The following CFAP299 variants were observed in gnomAD, a reference collection of about 807,000 sequenced individuals.
CFAP299 encodes cilia- and flagella-associated protein 299.
A neutral mutation model predicts 27.0 loss-of-function variants in CFAP299; 21 were observed. The ratio of observed to expected loss-of-function variants is 0.78; its 90% CI spans 0.55 to 1.12. The LOEUF is 1.12. Among genes scored for constraint, CFAP299 ranks in the 50% most tolerant of loss-of-function variants. CFAP299 has a pLI of 0.00. For synonymous variants in CFAP299, 104 were observed against 98.1 expected, an observed-to-expected ratio of 1.06 and a Z score of -0.36; for missense variants, 310 against 276.6, an observed-to-expected ratio of 1.12 and a Z score of -0.86.
chr4:80,615,482 T>A (rs1738223275), intron 3 of CFAP299, among the ~76,000 whole-genome samples: 1 of 152,172 alleles, frequency 6.6e-6, no homozygotes, highest in South Asian at 2.1e-4. Context: ...TACTTTGGAT[T>A]AGAAAGCTTA....
rs1299610535 is a variant in CFAP299 at position 80,782,585 on chromosome 4, ATATATT to A, written c.334-87407_334-87402del. Among the ~76,000 whole-genome samples, 266 of 131,454 alleles carry A rather than the reference ATATATT, an allele frequency of 2.0e-3. 4 individuals are homozygous for A. The highest frequency in any genetic ancestry group is 6.7e-3 in the African/African-American group (246 of 36,682). The allele number at this position is 131,454 out of a possible 152,430, so 86.2% of individuals were successfully genotyped here. On this transcript the variant is annotated intron_variant, in intron 3 of 5. Coordinates refer to ENST00000358105, the MANE Select transcript of CFAP299 (RefSeq NM_152770.3). ...TATAATATACATATATGAATATATA[ATATATT>A]CATATATAATATACATATATTAATA... is the stretch of plus-strand genomic sequence containing the variant.
At chr4:80,790,275 T>C (rs1219343194) in intron 3 of CFAP299, 1 of 152,052 alleles carries the variant, frequency 6.6e-6, no homozygotes, top group African/African-American at 2.4e-5. Context: ...CAGCAGCACT[T>C]TGAAGTTTCA....
intron 2 of CFAP299, among the ~76,000 whole-genome samples, chr4:80,481,447 G>A (rs1730564867): frequency 6.6e-6 from 1 of 151,950 alleles, no homozygotes; most frequent in Non-Finnish European, 1.5e-5. Flanking sequence ...TTAGCCAAAG[G>A]CATATTTTTA....
chr4:80,868,214 C>G (rs913732910), intron 3 of CFAP299, among the ~76,000 whole-genome samples: 1 of 151,488 alleles, frequency 6.6e-6, no homozygotes, highest in East Asian at 1.9e-4. Context: ...TTCTATGTAC[C>G]TCTATATTTG....
chr4:80,358,350 A>T (rs1034362636), intron 1 of CFAP299, among the ~76,000 whole-genome samples: 9 of 151,916 alleles, frequency 5.9e-5, no homozygotes, highest in Non-Finnish European at 1.3e-4. Flanking sequence ...TATCAGTTCC[A>T]CTTGATTTAA....
At chr4:80,740,306 G>A (rs1200830553) in intron 3 of CFAP299, among the ~76,000 whole-genome samples, 2 of 152,172 alleles carry the variant, frequency 1.3e-5, no homozygotes, top group Non-Finnish European at 2.9e-5. Flanking sequence ...TTCTTAGGAA[G>A]GCTTTCCAGG....
intron 3 of CFAP299, among the ~76,000 whole-genome samples, chr4:80,661,584 A>C (rs779592205): frequency 6.6e-6 from 1 of 152,136 alleles, no homozygotes. Flanking sequence ...TAATCTCTTA[A>C]TCTCATCATC....
At chr4:80,553,345 T>A (rs1734621027) in intron 2 of CFAP299, among the ~76,000 whole-genome samples, 1 of 152,198 alleles carries the variant, frequency 6.6e-6, no homozygotes. Flanking sequence ...TATGGATGCA[T>A]AATATTCCTG....
chr4:80,875,790 C>G (rs1249123691), intron 4 of CFAP299, among the ~76,000 whole-genome samples: 1 of 151,988 alleles, frequency 6.6e-6, no homozygotes, highest in Non-Finnish European at 1.5e-5. Context: ...ATAGTGATAC[C>G]ACCATCACCC....
intron 3 of CFAP299, among the ~76,000 whole-genome samples, chr4:80,603,933 G>A (rs190047018): frequency 7.9e-5 from 12 of 152,074 alleles, no homozygotes; most frequent in Admixed American, 7.2e-4. Flanking sequence ...CTGCATTCTC[G>A]CTCTTTAAAA....
chr4:80,961,312 T>C (rs1007975496), intron 5 of CFAP299, among the ~76,000 whole-genome samples: 19 of 151,894 alleles, frequency 1.3e-4, no homozygotes, highest in Non-Finnish European at 2.8e-4. Context: ...TAGCTGCTTA[T>C]TTTGAACCAA....
At chr4:80,519,336 A>G (rs1450466979) in intron 2 of CFAP299, among the ~76,000 whole-genome samples, 1 of 151,960 alleles carries the variant, frequency 6.6e-6, no homozygotes, top group African/African-American at 2.4e-5. Flanking sequence ...CCTCCCATGT[A>G]TCTGGGATTA....
intron 2 of CFAP299, among the ~76,000 whole-genome samples, chr4:80,449,790 C>T (rs1380985756): frequency 2.0e-5 from 3 of 151,740 alleles, no homozygotes; most frequent in Middle Eastern, 3.4e-3. Context: ...TTTTCTGAAG[C>T]CAGAAAGGTC....
At chr4:80,716,350 T>C (rs1216015774) in intron 3 of CFAP299, among the ~76,000 whole-genome samples, 1 of 151,158 alleles carries the variant, frequency 6.6e-6, no homozygotes, top group African/African-American at 2.4e-5. Context: ...TGATAGCAAG[T>C]GAATGTCAAT....
intron 2 of CFAP299, among the ~76,000 whole-genome samples, chr4:80,375,947 T>G (rs1472640937): frequency 6.6e-6 from 1 of 152,198 alleles, no homozygotes; most frequent in African/African-American, 2.4e-5. Context: ...TTATAATTCG[T>G]TTTTGAAAGT....
chr4:80,931,054 T>A (rs1736589108), intron 4 of CFAP299, among the ~76,000 whole-genome samples: 1 of 152,156 alleles, frequency 6.6e-6, no homozygotes, highest in Non-Finnish European at 1.5e-5. Context: ...GGACTGTATC[T>A]TTTTTCTCAT....
intron 3 of CFAP299, among the ~76,000 whole-genome samples, chr4:80,860,199 G>A (rs1018257611): frequency 4.0e-5 from 6 of 151,852 alleles, no homozygotes; most frequent in African/African-American, 7.3e-5. Context: ...CCAGTTGATC[G>A]CATCGGCTCC....
At chr4:80,438,045 T>A (rs1197550666) in intron 2 of CFAP299, among the ~76,000 whole-genome samples, 1 of 152,204 alleles carries the variant, frequency 6.6e-6, no homozygotes, top group Non-Finnish European at 1.5e-5. Context: ...TCTTTGCTTT[T>A]ATGAAGCTTG....
chr4:80,593,686 T>C (rs925405121), intron 3 of CFAP299, among the ~76,000 whole-genome samples: 1 of 152,198 alleles, frequency 6.6e-6, no homozygotes, highest in Admixed American at 6.5e-5. Flanking sequence ...ACTGATTTTG[T>C]GTTGTTCATT....
Sources: allele counts gnomAD v4.1 joint callset (sites outside exome capture counted in the v4.1 genomes callset), GRCh38; gene constraint gnomAD v4.1.1; transcripts MANE v1.5; gene names NCBI Gene and HGNC (gene_info 2026-07-23, HGNC 2026-07-21).